GGT1: variants seen among roughly 807,000 people sequenced by gnomAD.
The protein encoded by GGT1 is gamma-glutamyltransferase 1, also known as glutathione hydrolase 1 proenzyme.
Under a neutral mutation model 56.0 loss-of-function variants are expected in GGT1, and 21 were observed. The ratio of observed to expected loss-of-function variants is 0.38; its 90% CI spans 0.27 to 0.54. The LOEUF is 0.54. Among genes scored for constraint, GGT1 ranks in the 20% least tolerant of loss-of-function variants. GGT1 has a pLI of 0.82. For missense variants in GGT1, 466 were observed against 787.0 expected (o/e 0.59, Z 4.88); for synonymous variants, 238 against 342.6 (o/e 0.69, Z 3.37).
At chr22:24,605,979 ATATAT>A (rs1305672074) in intron 1 of GGT1, among the ~76,000 whole-genome samples, 3 of 65,000 alleles carry the variant, frequency 4.6e-5, no homozygotes, top group Non-Finnish European at 8.2e-5. Flanking sequence ...ATAATATATC[ATATAT>A]TATATTTATA....
At chr22:24,622,115 T>C (rs1000963711) in intron 9 of GGT1, among the ~76,000 whole-genome samples, 1 of 144,002 alleles carries the variant, frequency 6.9e-6, no homozygotes, top group East Asian at 2.1e-4. Context: ...CCCAACACTT[T>C]GGGAGGCTGA....
At chr22:24,622,284 G>A (rs536939659) in intron 9 of GGT1, among the ~76,000 whole-genome samples, 44 of 152,140 alleles carry the variant, frequency 2.9e-4, no homozygotes, top group Non-Finnish European at 5.6e-4. Context: ...GCAAAACCCG[G>A]CCGGGCATGG....
chr22:24,586,065 G>A, the GGT1 span: 1 of 1,612,082 alleles, frequency 6.2e-7, no homozygotes, highest in Non-Finnish European at 8.5e-7. Context: ...AGCAGGGGCT[G>A]GGGCAGGGAA....
the GGT1 span, chr22:24,586,285 C>A: frequency 6.2e-7 from 1 of 1,613,966 alleles, no homozygotes; most frequent in Non-Finnish European, 8.5e-7. Flanking sequence ...GGTCCAGCAC[C>A]GCCAGCACAG....
At chr22:24,586,745 G>A in the GGT1 span, among the ~76,000 whole-genome samples, 3 of 152,160 alleles carry the variant, frequency 2.0e-5, no homozygotes, top group African/African-American at 7.2e-5. Flanking sequence ...TTGTCAGGCT[G>A]GTCTCGAACT....
Position 24,607,755 on chromosome 22 carries a change from C to T in GGT1, c.-428-199C>T, listed in dbSNP as rs186950482. ...TAGGTAAGCTCATGAGTCCTCTGGC[C>T]GCTCCTGCTCCTTCCCTGCCTCTGC... is the stretch of plus-strand genomic sequence containing the variant. On this transcript the variant is annotated intron_variant, in intron 1 of 15. Coordinates refer to ENST00000400382, the MANE Select transcript of GGT1 (RefSeq NM_001288833.2). 3.7e-5 allele frequency: 12 copies of T among 321,478 alleles called. No homozygotes were observed. The East Asian group carries it at 7.0e-4, about 19-fold the overall frequency. 19.9% of individuals were successfully genotyped at this position (321,478 alleles called of 1,614,324 possible). A position where few individuals can be genotyped will look rare whatever the true frequency, so the allele number is the denominator to read the frequency against.
the GGT1 span, among the ~76,000 whole-genome samples, chr22:24,587,986 C>T: frequency 2.6e-5 from 4 of 152,152 alleles, no homozygotes; most frequent in Non-Finnish European, 5.9e-5. Context: ...GAGGCAGGAC[C>T]GTCCTGTGGG....
upstream of GGT1, among the ~76,000 whole-genome samples, chr22:24,590,369 C>T (rs145597454): frequency 7.9e-3 from 1,195 of 152,222 alleles, 16 homozygotes; most frequent in African/African-American, 0.026. Context: ...TGGGCTCAAG[C>T]GATCCTCCCA....
intron 11 of GGT1, chr22:24,627,127 G>A: frequency 1.4e-6 from 1 of 693,344 alleles, no homozygotes; most frequent in South Asian, 1.9e-5. Flanking sequence ...ATTCCCCAGT[G>A]CCAGGCATGC....
chr22:24,599,206 G>C (rs996302506), upstream of GGT1: 2 of 152,196 alleles, frequency 1.3e-5, no homozygotes, highest in African/African-American at 4.8e-5. Context: ...AGTCGCAGCC[G>C]GCCTGCAGAG....
In GGT1 at chr22:24,620,076, G is replaced by T. The variant is rs1302942407; in HGVS notation, c.383-252G>T. Among the ~76,000 whole-genome samples, 1 of 151,902 alleles carries T rather than the reference G, an allele frequency of 6.6e-6. No homozygotes were observed. The highest frequency in any genetic ancestry group is 2.4e-5 in the African/African-American group (1 of 41,318). Reference sequence around the variant, plus strand: ...AAAATTAAAAATCCCCTTCTGCTAGGTGTGCTGTTCACGCCTGTAATCTCA... The same window carrying T: ...AAAATTAAAAATCCCCTTCTGCTAGTTGTGCTGTTCACGCCTGTAATCTCA... On this transcript the variant is annotated intron_variant, in intron 7 of 15. Transcript: ENST00000400382. This position sits in a 1 kb window ranked among gnomAD's most constrained non-coding sequence, Gnocchi z 5.6.
the GGT1 span, chr22:24,586,353 T>G: frequency 6.2e-7 from 1 of 1,613,904 alleles, no homozygotes. Flanking sequence ...GACAGCGGGA[T>G]GCCTGAGAGG....
Position 24,603,397 on chromosome 22 carries a change from T to C in GGT1, c.-559T>C, listed in dbSNP as rs2045823386. On this transcript the variant is annotated 5_prime_UTR_variant, in exon 1 of 16. Coordinates refer to ENST00000400382, the MANE Select transcript of GGT1 (RefSeq NM_001288833.2). Reference sequence around the variant, plus strand: ...CCCATTCTCAGCTCTGCCATATGCTTGCTGCGCTCTAGAGGAGTTCCTCTT... The same window carrying C: ...CCCATTCTCAGCTCTGCCATATGCTCGCTGCGCTCTAGAGGAGTTCCTCTT... 1 of 152,268 alleles carries C rather than the reference T, an allele frequency of 6.6e-6. No individual in the cohort carries two copies. Among genetic ancestry groups the C allele is most frequent in the Non-Finnish European group, 1.5e-5 (1 of 68,096 alleles). The allele number at this position is 152,268 out of a possible 1,614,324, so 9.4% of individuals were successfully genotyped here.
At chr22:24,622,716 T>TG (rs2055355012) in intron 9 of GGT1, among the ~76,000 whole-genome samples, 1 of 151,552 alleles carries the variant, frequency 6.6e-6, no homozygotes, top group Non-Finnish European at 1.5e-5. Flanking sequence ...CACTCCAGCC[T>TG]GGGTGACAGA....
upstream of GGT1, among the ~76,000 whole-genome samples, chr22:24,591,504 C>T (rs1326480409): frequency 6.6e-6 from 1 of 152,208 alleles, no homozygotes; most frequent in Non-Finnish European, 1.5e-5. Flanking sequence ...GTCCCAAGCA[C>T]AGGAAGTTGG....
At position 24,623,431 on chromosome 22, in the gene GGT1, C is replaced by T. The variant is rs11913233; in HGVS notation, c.883+175C>T. On this transcript the variant is annotated intron_variant, in intron 10 of 15. Transcript: ENST00000400382. ...ATGTCCTGAAGGAGGCAGTGCAGAG[C>T]GACAGGGCTGAAGCGGGCAATGCTC... Among the ~76,000 whole-genome samples the T allele has an allele frequency of 0.035, 5,245 of 151,760 alleles. 279 individuals are homozygous for T. Among genetic ancestry groups the T allele is most frequent in the African/African-American group, 0.11 (4,508 of 41,236 alleles).
At chr22:24,585,736 T>C in the GGT1 span, 1 of 943,168 alleles carries the variant, frequency 1.1e-6, no homozygotes, top group East Asian at 2.7e-5. Flanking sequence ...CCTGGCCACC[T>C]ATGAGTCCAT....
At chr22:24,586,494 G>A in the GGT1 span, 2 of 1,399,060 alleles carry the variant, frequency 1.4e-6, no homozygotes, top group Non-Finnish European at 2.0e-6. Flanking sequence ...GTCGGGAACA[G>A]CCCAGGCCTA....
Position 24,627,837 on chromosome 22 carries a change from C to T in GGT1, c.1209-15C>T, listed in dbSNP as rs764437915. The stretch of plus-strand genomic sequence containing the variant: ...CAGGCAAGGTCGGGCACTGTCTGAC[C>T]TGGCTGGGCGGTAGCTTTGGCTCCA... On this transcript the variant is annotated splice_polypyrimidine_tract_variant and intron_variant, in intron 12 of 15. Transcript: ENST00000400382. 7 of 1,609,236 alleles carry T rather than the reference C, an allele frequency of 4.3e-6. No individual in the cohort carries two copies. The South Asian group carries it at 7.8e-5, about 18-fold the overall frequency.
Sources: allele counts gnomAD v4.1 joint callset (sites outside exome capture counted in the v4.1 genomes callset), GRCh38; gene constraint gnomAD v4.1.1; non-coding constraint Gnocchi (gnomAD v3.1); transcripts MANE v1.5; gene names NCBI Gene and HGNC (gene_info 2026-07-23, HGNC 2026-07-21).